Variants in BANF2 observed in about 807,000 individuals in gnomAD.
The protein encoded by BANF2 is barrier-to-autointegration factor-like protein.
BANF2 carries 4 observed loss-of-function variants against 8.0 expected under a neutral mutation model. That is an observed-to-expected ratio of 0.50 (90% confidence interval 0.25 to 1.14). The LOEUF (loss-of-function observed/expected upper bound fraction) is 1.14. Among genes scored for constraint, BANF2 ranks in the 50% most tolerant of loss-of-function variants. The pLI is 0.16. For synonymous variants in BANF2, 50 were observed against 40.6 expected (o/e 1.23, Z -0.88); for missense variants, 96 against 107.5 (o/e 0.89, Z 0.47).
intron 3 of BANF2, chr20:17,731,425 C>CT (rs1280465403): frequency 6.6e-6 from 1 of 152,168 alleles, no homozygotes; most frequent in Non-Finnish European, 1.5e-5. Flanking sequence ...GACCTGCGGA[C>CT]TTGGGCAGAG....
At chr20:17,702,013 C>G (rs991579697) in intron 1 of BANF2, among the ~76,000 whole-genome samples, 12 of 152,178 alleles carry the variant, frequency 7.9e-5, no homozygotes, top group African/African-American at 2.2e-4. Context: ...CTCCCCAGCT[C>G]CATGAGGTGG....
chr20:17,713,586 C>T (rs2037608339), intron 1 of BANF2, among the ~76,000 whole-genome samples: 1 of 151,892 alleles, frequency 6.6e-6, no homozygotes, highest in Non-Finnish European at 1.5e-5. Context: ...ATAATCCCAG[C>T]ACTTTGGAAA....
At chr20:17,694,627 T>A (rs1484127774) in intron 1 of BANF2, among the ~76,000 whole-genome samples, 1 of 123,676 alleles carries the variant, frequency 8.1e-6, no homozygotes, top group African/African-American at 3.0e-5. Context: ...TTTTTTTTTT[T>A]TTTTTTATTG....
intron 1 of BANF2, among the ~76,000 whole-genome samples, chr20:17,714,197 C>CAAAAAAAAA (rs11375517): frequency 1.3e-5 from 1 of 75,248 alleles, no homozygotes; most frequent in African/African-American, 5.7e-5. Context: ...GAGACTCTGT[C>CAAAAAAAAA]AAAAAAAAAA....
intron 1 of BANF2, among the ~76,000 whole-genome samples, chr20:17,713,356 G>T (rs1416358653): frequency 6.6e-6 from 1 of 152,126 alleles, no homozygotes; most frequent in Non-Finnish European, 1.5e-5. Context: ...CAACCCCTGT[G>T]TGATTCCACT....
chr20:17,700,885 C>T (rs911354), intron 1 of BANF2, among the ~76,000 whole-genome samples: 28,118 of 152,146 alleles, frequency 0.18, 3,098 homozygotes, highest in African/African-American at 0.3. Context: ...AGTCTGTCTA[C>T]GGTCCATTCA....
intron 1 of BANF2, among the ~76,000 whole-genome samples, chr20:17,703,914 A>C (rs1317987169): frequency 1.3e-5 from 2 of 151,954 alleles, no homozygotes; most frequent in Admixed American, 6.6e-5. Flanking sequence ...TGCCCAGCTA[A>C]TTTTTGTGTT....
chr20:17,720,157 G>A (rs1004994234), intron 1 of BANF2, among the ~76,000 whole-genome samples: 12 of 152,178 alleles, frequency 7.9e-5, no homozygotes, highest in East Asian at 1.9e-4. Context: ...TGGTACAGCC[G>A]CTTGGAAAAC....
Position 17,719,023 on chromosome 20 carries a change from G to A in BANF2, c.-166-3693G>A, listed in dbSNP as rs117532256. On this transcript the variant is annotated intron_variant, in intron 1 of 3. Transcript: ENST00000246090. ...CATAATGGACCCAATGCTGCAGCTCGCCCGGGGTTACAAGAGGGATGCCTT... is the reference window on the plus strand; with the variant it reads ...CATAATGGACCCAATGCTGCAGCTCACCCGGGGTTACAAGAGGGATGCCTT... Among the ~76,000 whole-genome samples the A allele has an allele frequency of 2.5e-3, 386 of 152,286 alleles. 3 individuals carry two copies. In the East Asian group the frequency reaches 0.027, roughly 11 times the overall value.
At chr20:17,712,595 C>T (rs2037590351) in intron 1 of BANF2, 5 of 931,380 alleles carry the variant, frequency 5.4e-6, no homozygotes, top group Non-Finnish European at 6.4e-6. Context: ...TTCTCTTCCA[C>T]CTTCCCTGGG....
chr20:17,714,646 CT>C (rs2037625753), intron 1 of BANF2, among the ~76,000 whole-genome samples: 1 of 152,224 alleles, frequency 6.6e-6, no homozygotes, highest in East Asian at 1.9e-4. Flanking sequence ...CTTAGAATTG[CT>C]GGGGCCAGAA....
At chr20:17,735,582 C>T in intron 3 of BANF2, 83 bp from the exon 4 acceptor site, 1 of 1,474,574 alleles carries the variant, frequency 6.8e-7, no homozygotes, top group Non-Finnish European at 9.3e-7. Context: ...CACGTGAGCC[C>T]TGGTTGCTGG....
Position 17,700,049 on chromosome 20 carries a change from G to C in BANF2, c.-173G>C. The C allele has an allele frequency of 1.0e-6, 1 of 976,534 alleles. No homozygotes were observed. The highest frequency in any genetic ancestry group is 1.7e-5 in the African/African-American group (1 of 57,192). 60.5% of individuals were successfully genotyped at this position (976,534 alleles called of 1,614,324 possible). A position where few individuals can be genotyped will look rare whatever the true frequency, so the allele number is the denominator to read the frequency against. On this transcript the variant is annotated 5_prime_UTR_variant, in exon 1 of 4. Coordinates refer to ENST00000246090, the MANE Select transcript of BANF2 (RefSeq NM_178477.5). ...GCCAGCTGCCACTGGCTTATCAGGA[G>C]CACCTGGTGAGTATTCAGAACTTTC...
Position 17,724,983 on chromosome 20 carries a change from G to A in BANF2, c.-3-40G>A, listed in dbSNP as rs543821756. ...TGTCCATGCACACTGGGAGAAGTCA[G>A]GTATCTGCTAATCCTCCTCTCTCCC... is the stretch of plus-strand genomic sequence containing the variant. On this transcript the variant is annotated intron_variant, in intron 2 of 3. Transcript: ENST00000246090. 2.5e-6 allele frequency: 4 copies of A among 1,580,718 alleles called. No homozygotes were observed. In the East Asian group the frequency reaches 9.0e-5, roughly 35 times the overall value.
At chr20:17,726,334 T>C (rs969191950) in intron 3 of BANF2, among the ~76,000 whole-genome samples, 4 of 152,062 alleles carry the variant, frequency 2.6e-5, no homozygotes, top group Admixed American at 2.0e-4. Flanking sequence ...TACAGGTGTG[T>C]GCCACCATGC....
At position 17,735,603 on chromosome 20, in the gene BANF2, C is replaced by G. The variant is rs1056445509; in HGVS notation, c.127-62C>G. Reference sequence around the variant, plus strand: ...AGCCCTGGTTGCTGGGAAGGAAGAGCGCGTCTGAGCTGGCTTATGATAACC... The same window carrying G: ...AGCCCTGGTTGCTGGGAAGGAAGAGGGCGTCTGAGCTGGCTTATGATAACC... On this transcript the variant is annotated intron_variant, in intron 3 of 3. Coordinates refer to ENST00000246090, the MANE Select transcript of BANF2 (RefSeq NM_178477.5). The G allele has an allele frequency of 5.2e-6, 8 of 1,533,746 alleles. No homozygotes were observed. The Admixed American group carries it at 1.0e-4, about 19-fold the overall frequency.
chr20:17,697,070 C>G (rs182030354), upstream of BANF2, among the ~76,000 whole-genome samples: 7 of 152,134 alleles, frequency 4.6e-5, no homozygotes, highest in Admixed American at 2.6e-4. Flanking sequence ...TACCACAGTG[C>G]AGGTGTGAGG....
At chr20:17,706,260 G>A (rs753641501) in intron 1 of BANF2, among the ~76,000 whole-genome samples, 6 of 152,124 alleles carry the variant, frequency 3.9e-5, no homozygotes, top group Non-Finnish European at 8.8e-5. Flanking sequence ...TGACGTGAGG[G>A]TGATTGTTAT....
intron 3 of BANF2, among the ~76,000 whole-genome samples, chr20:17,731,735 A>G (rs193293438): frequency 7.5e-6 from 1 of 132,498 alleles, no homozygotes; most frequent in African/African-American, 2.9e-5. Context: ...AGCCTGTGTG[A>G]CGGAATGAGA....
Sources: gnomAD v4.1 joint callset for allele counts (sites outside exome capture counted in the v4.1 genomes callset) on GRCh38, gnomAD v4.1.1 for gene constraint, MANE v1.5 for transcripts, NCBI Gene and HGNC (gene_info 2026-07-23, HGNC 2026-07-21) for gene names.